GON4L: variants seen among roughly 807,000 people sequenced by gnomAD.
GON4L encodes gon-4 like.
In GON4L, 87 loss-of-function variants were observed where a neutral mutation model predicts 211.8. The observed-to-expected ratio is 0.41, with a 90% CI of 0.35 to 0.49. GON4L has a LOEUF of 0.49. GON4L is among the 20% of genes least tolerant of loss of function. The pLI is 0.15. For missense variants in GON4L, 2,155 were observed against 2,659.5 expected, an observed-to-expected ratio of 0.81 and a Z score of 4.17; for synonymous variants, 875 against 962.6, an observed-to-expected ratio of 0.91 and a Z score of 1.68.
chr1:155,800,657 G>T (rs1291159430), intron 11 of GON4L, among the ~76,000 whole-genome samples: 1 of 151,980 alleles, frequency 6.6e-6, no homozygotes, highest in Non-Finnish European at 1.5e-5. Flanking sequence ...TTCGAGACAA[G>T]CCTGGCCAAT....
At chr1:155,845,947 G>C in intron 2 of GON4L, 1 of 216,050 alleles carries the variant, frequency 4.6e-6, no homozygotes, top group South Asian at 8.1e-5. Context: ...TCACAAACCA[G>C]GTCCTGGATT....
chr1:155,854,841 G>A (rs932633212), intron 1 of GON4L, among the ~76,000 whole-genome samples: 1 of 152,100 alleles, frequency 6.6e-6, no homozygotes, highest in African/African-American at 2.4e-5. Flanking sequence ...TTCGAGACCA[G>A]CCTGATCAAC....
At chr1:155,815,765 G>T in intron 8 of GON4L, 40 bp downstream of exon 8, 1 of 1,133,164 alleles carries the variant, frequency 8.8e-7, no homozygotes, top group Non-Finnish European at 1.3e-6. Flanking sequence ...AGTATACCCT[G>T]CTCTATTAAG....
intron 27 of GON4L, among the ~76,000 whole-genome samples, chr1:155,755,711 TATA>T (rs1338359415): frequency 1.1e-4 from 17 of 152,114 alleles, no homozygotes; most frequent in African/African-American, 3.4e-4. Flanking sequence ...CATCATGAGA[TATA>T]ATGTCTTTGT....
At position 155,814,363 on chromosome 1, in the gene GON4L, A is replaced by G. The variant is rs757417485; in HGVS notation, c.1248T>C (p.Thr416=). The G allele has an allele frequency of 6.2e-7, 1 of 1,613,532 alleles. No homozygotes were observed. The highest frequency in any genetic ancestry group is 8.5e-7 in the Non-Finnish European group (1 of 1,179,482). The change falls in exon 9 of 32, where the codon ACT becomes ACC. Residue 416 remains threonine (T), a synonymous_variant. Coordinates refer to ENST00000368331, the MANE Select transcript of GON4L (RefSeq NM_001282860.2). ...KSRLRQSSEM[T]ETDEESGILS... ...ATATGCCACTCTCCTCATCTGTTTC[A>G]GTCATCTCAGAAGACTGCCTCAATC...
intron 3 of GON4L, among the ~76,000 whole-genome samples, chr1:155,823,627 G>C (rs1319395762): frequency 1.3e-5 from 2 of 152,150 alleles, no homozygotes; most frequent in African/African-American, 4.8e-5. Context: ...GGACGCAGTG[G>C]CTCACACCTA....
intron 2 of GON4L, among the ~76,000 whole-genome samples, chr1:155,847,514 C>T (rs541551184): frequency 8.8e-4 from 134 of 152,158 alleles, no homozygotes; most frequent in Admixed American, 8.0e-3. Flanking sequence ...CCAGCCTGAC[C>T]AACATGGTGA....
chr1:155,751,030 T>C (rs1428688379), intron 31 of GON4L, among the ~76,000 whole-genome samples: 1 of 152,082 alleles, frequency 6.6e-6, no homozygotes, highest in Admixed American at 6.6e-5. Context: ...TCCCAAAGTG[T>C]TGGGATTACA....
chr1:155,802,584 T>G (rs750830056), intron 11 of GON4L, among the ~76,000 whole-genome samples: 4 of 152,192 alleles, frequency 2.6e-5, no homozygotes, highest in Non-Finnish European at 5.9e-5. Context: ...AAAGTTACCC[T>G]GTCCTCTTCT....
At chr1:155,773,296 G>A in intron 17 of GON4L, 86 bp from the exon 18 acceptor site, 8 of 1,491,392 alleles carry the variant, frequency 5.4e-6, no homozygotes, top group South Asian at 2.3e-5. Context: ...TTGCATTTAG[G>A]TAGGAGCTAT....
intron 2 of GON4L, among the ~76,000 whole-genome samples, chr1:155,844,573 T>C (rs768342859): frequency 5.9e-5 from 9 of 151,854 alleles, no homozygotes; most frequent in Non-Finnish European, 1.2e-4. Context: ...CCGGGCAACA[T>C]AGTGAGACTG....
chr1:155,838,606 G>A (rs1294091728), intron 2 of GON4L, among the ~76,000 whole-genome samples: 1 of 151,716 alleles, frequency 6.6e-6, no homozygotes, highest in Non-Finnish European at 1.5e-5. Context: ...AAAACCCCAT[G>A]GCTACTAAAA....
chr1:155,806,764 ATC>A (rs1667165497), intron 10 of GON4L, among the ~76,000 whole-genome samples: 1 of 152,160 alleles, frequency 6.6e-6, no homozygotes, highest in Non-Finnish European at 1.5e-5. Context: ...TTATCCAATT[ATC>A]TGTTGATGGA....
chr1:155,775,727 GA>G (rs1168457504), intron 16 of GON4L, among the ~76,000 whole-genome samples: 1 of 152,134 alleles, frequency 6.6e-6, no homozygotes, highest in African/African-American at 2.4e-5. Flanking sequence ...CCAAAGTGCT[GA>G]GATTACAGGC....
At chr1:155,844,536 C>A (rs898290279) in intron 2 of GON4L, among the ~76,000 whole-genome samples, 7 of 152,100 alleles carry the variant, frequency 4.6e-5, no homozygotes, top group African/African-American at 1.7e-4. Flanking sequence ...GTGGGAGGAT[C>A]ACTTGAGCTC....
chr1:155,762,387 A>G lies in GON4L; in HGVS notation c.4727-13T>C. The G allele has an allele frequency of 2.5e-6, 4 of 1,589,832 alleles. No homozygotes were observed. The South Asian group carries it at 4.5e-5, about 18-fold the overall frequency. On this transcript the variant is annotated splice_polypyrimidine_tract_variant and intron_variant, in intron 22 of 31. Coordinates refer to ENST00000368331, the MANE Select transcript of GON4L (RefSeq NM_001282860.2). ...TTGATGCTCTCTCCTTGTAGCACAC[A>G]TGAAAAGGATTGTTTCCCTGTCCCT...
At chr1:155,766,806 G>A in intron 20 of GON4L, 97 bp from the exon 21 acceptor site, 2 of 1,584,114 alleles carry the variant, frequency 1.3e-6, no homozygotes, top group South Asian at 1.1e-5. Context: ...AGCACTTTGG[G>A]AGGCTGAAGT....
chr1:155,803,364 C>A (rs1315345520), intron 11 of GON4L, among the ~76,000 whole-genome samples: 8 of 152,018 alleles, frequency 5.3e-5, no homozygotes, highest in Non-Finnish European at 1.0e-4. Context: ...CCTGCCTCAG[C>A]CTCCTGAGTA....
intron 19 of GON4L, among the ~76,000 whole-genome samples, chr1:155,769,694 G>C (rs1158896656): frequency 1.3e-5 from 2 of 152,106 alleles, no homozygotes; most frequent in Non-Finnish European, 2.9e-5. Flanking sequence ...TGTTCAGCAG[G>C]AAAGGCAAGG....
Sources: allele counts gnomAD v4.1 joint callset (sites outside exome capture counted in the v4.1 genomes callset), GRCh38; gene constraint gnomAD v4.1.1; transcripts MANE v1.5; gene names NCBI Gene and HGNC (gene_info 2026-07-23, HGNC 2026-07-21).